Variants in PCDHA3 observed in about 807,000 individuals in gnomAD.
PCDHA3 encodes protocadherin alpha 3.
A neutral mutation model predicts 62.2 loss-of-function variants in PCDHA3; 41 were observed. That is an observed-to-expected ratio of 0.66 (90% CI 0.51 to 0.86). The LOEUF (loss-of-function observed/expected upper bound fraction) is 0.86, where lower values mean the gene tolerates loss of function less well. Ranked by LOEUF, PCDHA3 falls within the 40% of genes least tolerant of loss-of-function variation. PCDHA3 has a pLI of 0.00. For missense variants in PCDHA3, 1,304 were observed against 1,241.2 expected, an observed-to-expected ratio of 1.05 and a Z score of -0.76; for synonymous variants, 640 against 555.4, an observed-to-expected ratio of 1.15 and a Z score of -2.14.
intron 1 of PCDHA3, chr5:140,855,953 TA>T: frequency 7.2e-7 from 1 of 1,381,088 alleles, no homozygotes; most frequent in Non-Finnish European, 9.9e-7. Context: ...GCCATTTCGA[TA>T]AAAAATAGAT....
In PCDHA3 at chr5:140,982,208, G is replaced by A. The variant is rs146224628; in HGVS notation, c.2454-267G>A. 246 of 434,966 alleles carry A rather than the reference G, an allele frequency of 5.7e-4. 1 individual carries two copies. The highest frequency in any genetic ancestry group is 7.4e-4 in the Non-Finnish European group (200 of 268,658). 26.9% of individuals were successfully genotyped at this position (434,966 alleles called of 1,614,324 possible). ...GGGCTTCCTGTTAGATTTAGTGAGC[G>A]CCACATGGCGTTAATAAAAAACAGA... On this transcript the variant is annotated intron_variant, in intron 2 of 3. Coordinates refer to ENST00000522353, the MANE Select transcript of PCDHA3 (RefSeq NM_018906.3).
chr5:140,862,365 G>C, intron 1 of PCDHA3: 1 of 337,898 alleles, frequency 3.0e-6, no homozygotes, highest in South Asian at 2.4e-5. Flanking sequence ...CAGACGACCC[G>C]CACCCTGACT....
At chr5:140,826,342 C>CTG (rs1768912564) in intron 1 of PCDHA3, among the ~76,000 whole-genome samples, 1 of 152,070 alleles carries the variant, frequency 6.6e-6, no homozygotes, top group Non-Finnish European at 1.5e-5. Context: ...AAATTGAACC[C>CTG]TTTGTTTGCC....
chr5:140,829,901 A>T lies in PCDHA3; in HGVS notation c.2394+26310A>T, dbSNP rs2150177337. 19 of 1,613,992 alleles carry T rather than the reference A, an allele frequency of 1.2e-5. No individual in the cohort carries two copies. In the East Asian group the frequency reaches 4.2e-4, roughly 36 times the overall value. ...CGCAGTTGACGCCGACTCAGGCTAC[A>T]ACGCGTGGCTTTCGTATGAGCTGCA... On this transcript the variant is annotated intron_variant, in intron 1 of 3. Coordinates refer to ENST00000522353, the MANE Select transcript of PCDHA3 (RefSeq NM_018906.3).
In PCDHA3 at chr5:140,802,362, C is replaced by T; in HGVS notation, c.1165C>T (p.Leu389=). 1 of 1,614,268 alleles carries T rather than the reference C, an allele frequency of 6.2e-7. No homozygotes were observed. The highest frequency in any genetic ancestry group is 8.5e-7 in the Non-Finnish European group (1 of 1,180,052). The change falls in exon 1 of 4, where the codon CTG becomes TTG. Residue 389 remains leucine (L), a synonymous_variant. Coordinates refer to ENST00000522353, the MANE Select transcript of PCDHA3 (RefSeq NM_018906.3). Reference sequence around the variant, plus strand: ...AGTCAATGGACAGGTCACCTGCTCGCTGACGCCCCACGTCCCCTTCAAGCT... The same window carrying T: ...AGTCAATGGACAGGTCACCTGCTCGTTGACGCCCCACGTCCCCTTCAAGCT... The part of the protein sequence containing the change: ...SGVNGQVTCS[L]TPHVPFKLVS...
At position 140,850,278 on chromosome 5, in the gene PCDHA3, C is replaced by A. The variant is rs2150477296; in HGVS notation, c.2394+46687C>A. On this transcript the variant is annotated intron_variant, in intron 1 of 3. Transcript: ENST00000522353. ...CGCCGGCGTAGTGGTGGGGAAGGTG[C>A]GCGCAGTGGACGCCGACTCGGGCTA... is the stretch of plus-strand genomic sequence containing the variant. 5 of 1,595,340 alleles carry A rather than the reference C, an allele frequency of 3.1e-6. 1 individual carries two copies. Among genetic ancestry groups the A allele is most frequent in the South Asian group, 1.1e-5 (1 of 90,456 alleles).
intron 1 of PCDHA3, chr5:140,876,498 C>A: frequency 6.2e-7 from 1 of 1,613,918 alleles, no homozygotes; most frequent in East Asian, 2.2e-5. Context: ...AAGTTCTGGA[C>A]GTGAATGACA....
At chr5:140,961,984 C>T (rs1037951528) in intron 1 of PCDHA3, among the ~76,000 whole-genome samples, 69 of 151,884 alleles carry the variant, frequency 4.5e-4, no homozygotes, top group African/African-American at 1.5e-3. Context: ...CCTGGGTTCA[C>T]GCCATTGTCC....
intron 1 of PCDHA3, chr5:140,868,717 A>G (rs1420363814): frequency 5.3e-6 from 1 of 189,344 alleles, no homozygotes; most frequent in African/African-American, 2.4e-5. Context: ...AATAATTTAA[A>G]TTTGATGTTA....
chr5:140,857,445 A>G lies in PCDHA3; in HGVS notation c.2394+53854A>G, dbSNP rs144782261. The G allele has an allele frequency of 8.5e-5, 136 of 1,598,262 alleles. 10 individuals carry two copies. Among genetic ancestry groups the G allele is most frequent in the Non-Finnish European group, 1.1e-4 (128 of 1,167,832 alleles). ...GAGTACACGGTGTTCGTGAAGGAGA[A>G]CAACCCGCCAGGCTGCCACATCTTC... On this transcript the variant is annotated intron_variant, in intron 1 of 3. Transcript: ENST00000522353.
At chr5:140,971,435 T>A (rs1188604248) in intron 1 of PCDHA3, among the ~76,000 whole-genome samples, 1 of 152,190 alleles carries the variant, frequency 6.6e-6, no homozygotes, top group Non-Finnish European at 1.5e-5. Flanking sequence ...AACCCCAAGA[T>A]CTACAGCTCC....
At chr5:140,895,437 C>A (rs1250254286) in intron 1 of PCDHA3, among the ~76,000 whole-genome samples, 3 of 152,172 alleles carry the variant, frequency 2.0e-5, no homozygotes, top group Non-Finnish European at 2.9e-5. Context: ...TCCTGAGACT[C>A]TTTTCATGTG....
chr5:140,972,359 A>T (rs1466504264), intron 1 of PCDHA3, among the ~76,000 whole-genome samples: 3 of 151,418 alleles, frequency 2.0e-5, no homozygotes, highest in Non-Finnish European at 4.4e-5. Flanking sequence ...TATGTTGCAC[A>T]TGCTGTTAGT....
intron 1 of PCDHA3, among the ~76,000 whole-genome samples, chr5:140,946,909 C>G (rs1290458457): frequency 6.6e-6 from 1 of 151,234 alleles, no homozygotes; most frequent in Non-Finnish European, 1.5e-5. Flanking sequence ...AGAATAAGTT[C>G]TGGTGTTTTA....
rs190126464 is a variant in PCDHA3 at position 140,851,666 on chromosome 5, T to C, written c.2394+48075T>C. On this transcript the variant is annotated intron_variant, in intron 1 of 3. Coordinates refer to ENST00000522353, the MANE Select transcript of PCDHA3 (RefSeq NM_018906.3). The stretch of plus-strand genomic sequence containing the variant: ...CTTCAAGAAGACATTCTCCTTTTAA[T>C]TGAAATTTTCTCCATTCAGTGATAA... 22 of 916,122 alleles carry C rather than the reference T, an allele frequency of 2.4e-5. 1 individual carries two copies. The East Asian group carries it at 1.7e-3, about 72-fold the overall frequency. 56.7% of individuals were successfully genotyped at this position (916,122 alleles called of 1,614,324 possible).
intron 1 of PCDHA3, among the ~76,000 whole-genome samples, chr5:140,833,088 A>G (rs1218866557): frequency 3.3e-5 from 5 of 152,214 alleles, no homozygotes; most frequent in Non-Finnish European, 7.3e-5. Flanking sequence ...TTTGAGTACT[A>G]GACGAGTAAT....
At chr5:140,861,115 A>G (rs1466747567) in intron 1 of PCDHA3, 1 of 152,586 alleles carries the variant, frequency 6.6e-6, no homozygotes, top group Non-Finnish European at 1.5e-5. Context: ...AAAACTACAA[A>G]CACCCATTAA....
intron 1 of PCDHA3, chr5:140,877,080 C>A (rs113692468): frequency 9.9e-6 from 16 of 1,612,944 alleles, no homozygotes; most frequent in Non-Finnish European, 1.4e-5. Flanking sequence ...TCCAGGTGAG[C>A]GCGCGCGACG....
At chr5:140,809,077 G>C (rs1554124986) in intron 1 of PCDHA3, 2 of 1,613,962 alleles carry the variant, frequency 1.2e-6, no homozygotes, top group South Asian at 2.2e-5. Context: ...ACACTGGCGA[G>C]ATCAGCACAA....
Sources: gnomAD v4.1 joint callset for allele counts (sites outside exome capture counted in the v4.1 genomes callset) on GRCh38, gnomAD v4.1.1 for gene constraint, MANE v1.5 for transcripts, NCBI Gene and HGNC (gene_info 2026-07-23, HGNC 2026-07-21) for gene names.